Variants in PDCD2 observed in about 807,000 individuals in gnomAD.
PDCD2 encodes uS5 assembly chaperone PDCD2.
A neutral mutation model predicts 38.1 loss-of-function variants in PDCD2; 38 were observed. The observed-to-expected ratio is 1.00, with a 90% CI of 0.77 to 1.31. The LOEUF (loss-of-function observed/expected upper bound fraction) is 1.31. Among genes scored for constraint, PDCD2 ranks in the 50% most tolerant of loss-of-function variants. The probability of loss-of-function intolerance (pLI) is 0.00; values close to 1 mark genes in which losing one functional copy is unlikely to be tolerated. For synonymous variants in PDCD2, 205 were observed against 168.9 expected (o/e 1.21, Z -1.66); for missense variants, 473 against 435.7 (o/e 1.09, Z -0.76).
At chr6:170,583,841 A>C in intron 1 of PDCD2, 94 bp from the exon 2 acceptor site, 1 of 986,790 alleles carries the variant, frequency 1.0e-6, no homozygotes, top group Non-Finnish European at 1.5e-6. Flanking sequence ...TAACAACAAC[A>C]AAAAAGAAAT....
chr6:170,582,439 G>A, intron 3 of PDCD2: 2 of 1,435,948 alleles, frequency 1.4e-6, no homozygotes, highest in East Asian at 2.5e-5. Context: ...TTAATATTAT[G>A]TGACCAAAGA....
chr6:170,583,632 A>C lies in PDCD2; in HGVS notation c.399T>G (p.His133Gln), dbSNP rs1779694199. ...SVCLQLKSGAHLCRVCGCLGP... is the reference protein window; with the variant it reads ...SVCLQLKSGAQLCRVCGCLGP... ...CTAAACAGCCACAAACCCTGCAGAGATGAGCACCAGACTTAAGCTGGAGAC... is the reference window on the plus strand; with the variant it reads ...CTAAACAGCCACAAACCCTGCAGAGCTGAGCACCAGACTTAAGCTGGAGAC... Residue 133 changes from histidine to glutamine, a missense_variant, in exon 2 of 6, where the codon CAT (histidine) becomes CAG (glutamine). Physicochemically the swap from His to Gln is conservative, Grantham distance 24. Transcript: ENST00000541970. 1 of 1,614,000 alleles carries C rather than the reference A, an allele frequency of 6.2e-7. No homozygotes were observed. The highest frequency in any genetic ancestry group is 8.5e-7 in the Non-Finnish European group (1 of 1,179,990).
chr6:170,583,843 A>C, intron 1 of PDCD2, 96 bp from the exon 2 acceptor site: 2 of 972,168 alleles, frequency 2.1e-6, no homozygotes, highest in Non-Finnish European at 3.0e-6. Flanking sequence ...ACAACAACAA[A>C]AAAGAAATGA....
intron 3 of PDCD2, 161 bp downstream of exon 3, chr6:170,582,896 G>A (rs1779657249): frequency 1.4e-6 from 2 of 1,451,914 alleles, no homozygotes; most frequent in Admixed American, 5.6e-5. Context: ...AGAAAACAAA[G>A]TCCAGGAAGT....
Position 170,578,877 on chromosome 6 carries a change from T to G in PDCD2, c.856A>C (p.Lys286Gln). The G allele has an allele frequency of 6.2e-7, 1 of 1,606,790 alleles. No homozygotes were observed. Among genetic ancestry groups the G allele is most frequent in the East Asian group, 2.2e-5 (1 of 44,840 alleles). Reference sequence around the variant, plus strand: ...CATACCTGGAATTCCAATATTCTCTTGGCACCACAGGGGCAATCTGGAATA... The same window carrying G: ...CATACCTGGAATTCCAATATTCTCTGGGCACCACAGGGGCAATCTGGAATA... ...KDIPDCPCGA[K>Q]RILEFQVMPQ... Residue 286 changes from lysine (K) to glutamine (Q), a missense_variant, in exon 5 of 6, where the codon AAG becomes CAG. By Grantham distance (53) the Lys-to-Gln change is moderately conservative. Coordinates refer to ENST00000541970, the MANE Select transcript of PDCD2 (RefSeq NM_002598.4).
rs1387535989 is a variant in PDCD2, at chr6:170,577,517, G to A, written c.*42C>T. On this transcript the variant is annotated 3_prime_UTR_variant, in exon 6 of 6. Coordinates refer to ENST00000541970, the MANE Select transcript of PDCD2 (RefSeq NM_002598.4). ...AAAATCCCAGAAATGGAATTGCAAGGTATAAAAGATTATTAACATTTTTCA... is the reference window on the plus strand; with the variant it reads ...AAAATCCCAGAAATGGAATTGCAAGATATAAAAGATTATTAACATTTTTCA... 6.6e-7 allele frequency: 1 copy of A among 1,525,624 alleles called. No homozygotes were observed. Among genetic ancestry groups the A allele is most frequent in the Non-Finnish European group, 9.1e-7 (1 of 1,104,322 alleles). The allele number at this position is 1,525,624 out of a possible 1,614,324, so 94.5% of individuals were successfully genotyped here.
Position 170,577,362 on chromosome 6 carries a change from T to G in PDCD2, c.*197A>C. The G allele has an allele frequency of 1.8e-6, 1 of 548,496 alleles. No homozygotes were observed. Among genetic ancestry groups the G allele is most frequent in the Non-Finnish European group, 3.3e-6 (1 of 306,960 alleles). The allele number at this position is 548,496 out of a possible 1,614,324, so 34.0% of individuals were successfully genotyped here. On this transcript the variant is annotated 3_prime_UTR_variant, in exon 6 of 6. Coordinates refer to ENST00000541970, the MANE Select transcript of PDCD2 (RefSeq NM_002598.4). Reference sequence around the variant, plus strand: ...TAATTAAGACTGTGTAGCCTTCCTCTGTGGATGTACCAAAATTTATTTAAT... The same window carrying G: ...TAATTAAGACTGTGTAGCCTTCCTCGGTGGATGTACCAAAATTTATTTAAT...
chr6:170,578,788 G>T, intron 5 of PDCD2, 69 bp downstream of exon 5: 1 of 978,122 alleles, frequency 1.0e-6, no homozygotes, highest in Non-Finnish European at 1.7e-6. Context: ...AATTACCTTG[G>T]TGAAGTTTTT....
At chr6:170,584,246 G>A (rs1779729461) in intron 1 of PDCD2, 53 bp downstream of exon 1, 4 of 1,336,680 alleles carry the variant, frequency 3.0e-6, no homozygotes, top group South Asian at 4.2e-5. Context: ...CGGAATTAAC[G>A]CCGCGCACGC....
intron 3 of PDCD2, chr6:170,582,722 T>A (rs911448920): frequency 1.6e-6 from 2 of 1,239,080 alleles, no homozygotes; most frequent in African/African-American, 3.1e-5. Context: ...CCCTTCTGCG[T>A]GCCCGACACT....
At chr6:170,580,872 TA>T (rs1779575627) in intron 3 of PDCD2, among the ~76,000 whole-genome samples, 1 of 152,164 alleles carries the variant, frequency 6.6e-6, no homozygotes, top group Admixed American at 6.5e-5. Context: ...TCAGAGAAGC[TA>T]AAATAACTGC....
chr6:170,584,200 G>A (rs568724010), intron 1 of PDCD2, 99 bp downstream of exon 1: 5 of 1,222,462 alleles, frequency 4.1e-6, no homozygotes, highest in African/African-American at 1.6e-5. Context: ...AGGCTGGGGC[G>A]GCAGCGGTGC....
rs978677213 is a variant in PDCD2, at chr6:170,584,634, A to C, written c.-53T>G. On this transcript the variant is annotated 5_prime_UTR_variant, in exon 1 of 6. It adds an upstream start codon to the 5' untranslated region. Coordinates refer to ENST00000541970, the MANE Select transcript of PDCD2 (RefSeq NM_002598.4). Reference sequence around the variant, plus strand: ...GCCCACAGCTGGGTCGGAAGGCGGAAATCGGGCGCCGGGCCGGAAGGCAAG... The same window carrying C: ...GCCCACAGCTGGGTCGGAAGGCGGACATCGGGCGCCGGGCCGGAAGGCAAG... 2.4e-5 allele frequency: 26 copies of C among 1,091,092 alleles called. No homozygotes were observed. Among genetic ancestry groups the C allele is most frequent in the Non-Finnish European group, 2.7e-5 (23 of 856,604 alleles). 67.6% of individuals were successfully genotyped at this position (1,091,092 alleles called of 1,614,324 possible). A position where few individuals can be genotyped will look rare whatever the true frequency, so the allele number is the denominator to read the frequency against.
chr6:170,583,372 C>G, intron 2 of PDCD2, 133 bp downstream of exon 2: 4 of 934,492 alleles, frequency 4.3e-6, no homozygotes, highest in South Asian at 2.0e-5. Flanking sequence ...TTTTTTTTTA[C>G]AAAGGTGTTC....
intron 3 of PDCD2, among the ~76,000 whole-genome samples, 164 bp from the exon 4 acceptor site, chr6:170,580,269 T>C (rs537856754): frequency 2.5e-4 from 38 of 152,354 alleles, no homozygotes; most frequent in African/African-American, 7.9e-4. Flanking sequence ...AACTCTATTA[T>C]ATGGACTTCC....
chr6:170,583,759 T>G lies in PDCD2; in HGVS notation c.284-12A>C. ...TTGATTCCTAAAAACTAAAAAAGAA[T>G]ACAGAGAAAAGTTTTATCTTCAAAC... On this transcript the variant is annotated splice_polypyrimidine_tract_variant and intron_variant, in intron 1 of 5. Coordinates refer to ENST00000541970, the MANE Select transcript of PDCD2 (RefSeq NM_002598.4). The G allele has an allele frequency of 6.3e-7, 1 of 1,597,310 alleles. No homozygotes were observed. Among genetic ancestry groups the G allele is most frequent in the Non-Finnish European group, 8.6e-7 (1 of 1,167,870 alleles).
Position 170,584,381 on chromosome 6 carries a change from C to A in PDCD2, c.201G>T (p.Pro67=). The A allele has an allele frequency of 6.7e-7, 1 of 1,485,196 alleles. No individual in the cohort carries two copies. The highest frequency in any genetic ancestry group is 8.9e-7 in the Non-Finnish European group (1 of 1,122,300). 92.0% of individuals were successfully genotyped at this position (1,485,196 alleles called of 1,614,324 possible). A position where few individuals can be genotyped will look rare whatever the true frequency, so the allele number is the denominator to read the frequency against. ...PLSFLLQVYA[P]LPGRPDAFHR... is the part of the protein sequence containing the mutation. ...GGAAGGCGTCCGGGCGGCCAGGCAG[C>A]GGCGCATACACCTGCAGCAGGAAGG... The change falls in exon 1 of 6, where the codon CCG becomes CCT. Residue 67 remains proline, a synonymous_variant. Transcript: ENST00000541970.
chr6:170,583,605 GC>G lies in PDCD2; in HGVS notation c.425del (p.Gly142AlafsTer21). The G allele has an allele frequency of 3.1e-6, 5 of 1,613,872 alleles. No homozygotes were observed. The highest frequency in any genetic ancestry group is 4.2e-6 in the Non-Finnish European group (5 of 1,179,870). On this transcript the variant is annotated frameshift_variant, in exon 2 of 6. Coordinates refer to ENST00000541970, the MANE Select transcript of PDCD2 (RefSeq NM_002598.4). LOFTEE classifies it high-confidence loss of function. ...TGTGGCATCTGGAGCACGTTTTGGGGCCTAAACAGCCACAAACCCTGCAGAG... is the reference window on the plus strand; with the variant it reads ...TGTGGCATCTGGAGCACGTTTTGGGGCTAAACAGCCACAAACCCTGCAGAG... ...AHLCRVCGCL[G>X]PKTCSRCHKA...
At chr6:170,578,158 G>A (rs1360448649) in intron 5 of PDCD2, among the ~76,000 whole-genome samples, 3 of 105,312 alleles carry the variant, frequency 2.8e-5, no homozygotes, top group Non-Finnish European at 5.6e-5. Context: ...AGAGTGAATA[G>A]GCAGAATAGC....
Sources: gnomAD v4.1 joint callset for allele counts (sites outside exome capture counted in the v4.1 genomes callset) on GRCh38, gnomAD v4.1.1 for gene constraint, MANE v1.5 for transcripts, NCBI Gene and HGNC (gene_info 2026-07-23, HGNC 2026-07-21) for gene names.